The following TRIM5 variants were observed in gnomAD, a reference collection of about 807,000 sequenced individuals.
TRIM5 encodes tripartite motif-containing protein 5.
A neutral mutation model predicts 35.6 loss-of-function variants in TRIM5; 31 were observed. The ratio of observed to expected loss-of-function variants is 0.87; its 90% confidence interval spans 0.65 to 1.18. The LOEUF is 1.18. Among genes scored for constraint, TRIM5 ranks in the 50% most tolerant of loss-of-function variants. The pLI, the probability that TRIM5 is intolerant of heterozygous loss-of-function variation, is 0.00. For synonymous variants in TRIM5, 243 were observed against 215.6 expected, an observed-to-expected ratio of 1.13 and a Z score of -1.11; for missense variants, 609 against 591.6, an observed-to-expected ratio of 1.03 and a Z score of -0.31.
chr11:5,649,377 CTCG>C, the TRIM5 span, among the ~76,000 whole-genome samples: 2 of 152,144 alleles, frequency 1.3e-5, no homozygotes, highest in South Asian at 4.1e-4. Flanking sequence ...TTGGCCATTC[CTCG>C]TCTTGCCTGA....
the TRIM5 span, chr11:5,643,125 A>ATATATATATATAT: frequency 1.0e-6 from 1 of 974,258 alleles, no homozygotes; most frequent in South Asian, 3.1e-5. Flanking sequence ...ATATATATAT[A>ATATATATATATAT]TTTTTTTTTT....
At chr11:5,654,130 T>C in the TRIM5 span, among the ~76,000 whole-genome samples, 1 of 149,386 alleles carries the variant, frequency 6.7e-6, no homozygotes, top group Non-Finnish European at 1.5e-5. Flanking sequence ...AAAATCATGA[T>C]TTTGAATAAT....
At chr11:5,649,855 T>A in the TRIM5 span, among the ~76,000 whole-genome samples, 1 of 152,172 alleles carries the variant, frequency 6.6e-6, no homozygotes, top group African/African-American at 2.4e-5. Context: ...TTAGAGGATA[T>A]ATGCCCTCCT....
At chr11:5,629,245 C>G in the TRIM5 span, among the ~76,000 whole-genome samples, 1 of 152,064 alleles carries the variant, frequency 6.6e-6, no homozygotes, top group Non-Finnish European at 1.5e-5. Flanking sequence ...CCATTGCATT[C>G]CAGCCTGGGC....
chr11:5,636,872 C>T, the TRIM5 span, among the ~76,000 whole-genome samples: 6 of 152,138 alleles, frequency 3.9e-5, no homozygotes, highest in Non-Finnish European at 7.4e-5. Flanking sequence ...GTTGGCGGGG[C>T]GCGGTGGCTC....
At chr11:5,601,057 C>T in the TRIM5 span, among the ~76,000 whole-genome samples, 1 of 152,184 alleles carries the variant, frequency 6.6e-6, no homozygotes, top group Non-Finnish European at 1.5e-5. Flanking sequence ...GATATAAGGT[C>T]TCAACTGCCT....
intron 4 of TRIM5, among the ~76,000 whole-genome samples, chr11:5,671,804 A>C (rs1218029311): frequency 1.2e-5 from 1 of 82,404 alleles, no homozygotes; most frequent in African/African-American, 3.8e-5. Flanking sequence ...TCAAGTAGAA[A>C]AAAATAATTG....
At position 5,680,072 on chromosome 11, in the gene TRIM5, G is replaced by T; in HGVS notation, c.106C>A (p.Gln36Lys). The T allele has an allele frequency of 6.2e-7, 1 of 1,614,100 alleles. No homozygotes were observed. Among genetic ancestry groups the T allele is most frequent in the Non-Finnish European group, 8.5e-7 (1 of 1,180,016 alleles). ...TTGTGGTTTGCAGTGAGGCATGCTT[G>T]GCAGAAGCTGTGGCCGCAGTCCAGG... ...LSLDCGHSFC[Q>K]ACLTANHKKS... The change falls in exon 2 of 8, where the codon CAA becomes AAA. Residue 36 changes from glutamine (Q) to lysine (K), a missense_variant. Coordinates refer to ENST00000380034, the MANE Select transcript of TRIM5 (RefSeq NM_033034.3).
chr11:5,676,669 A>T (rs1852005838), intron 4 of TRIM5, among the ~76,000 whole-genome samples: 1 of 150,094 alleles, frequency 6.7e-6, no homozygotes, highest in Non-Finnish European at 1.5e-5. Context: ...AAAAGAACAA[A>T]GCTGGAGGCA....
At chr11:5,655,928 T>C in the TRIM5 span, among the ~76,000 whole-genome samples, 10,057 of 152,212 alleles carry the variant, frequency 0.066, 668 homozygotes, top group African/African-American at 0.17. Flanking sequence ...TAATAAATGG[T>C]GTTGGGAAAA....
At chr11:5,675,407 T>G (rs1019849659) in intron 4 of TRIM5, among the ~76,000 whole-genome samples, 4 of 152,054 alleles carry the variant, frequency 2.6e-5, no homozygotes, top group Non-Finnish European at 5.9e-5. Context: ...GACAAGGACC[T>G]GGGTCCAGGT....
downstream of TRIM5, among the ~76,000 whole-genome samples, chr11:5,660,175 C>T (rs1328890643): frequency 6.6e-6 from 1 of 152,120 alleles, no homozygotes; most frequent in Non-Finnish European, 1.5e-5. Flanking sequence ...CGGGGTTTCA[C>T]CATATTGGCC....
At chr11:5,629,829 TC>T in the TRIM5 span, among the ~76,000 whole-genome samples, 4 of 152,160 alleles carry the variant, frequency 2.6e-5, no homozygotes, top group African/African-American at 9.7e-5. Context: ...TGCCTTAGCC[TC>T]CCGAGTAGCT....
the TRIM5 span, among the ~76,000 whole-genome samples, chr11:5,615,934 T>C: frequency 8.3e-3 from 426 of 51,352 alleles, 6 homozygotes; most frequent in East Asian, 0.066. Flanking sequence ...TATCTTTTCA[T>C]TTTTTTTTTT....
the TRIM5 span, among the ~76,000 whole-genome samples, chr11:5,630,092 A>G: frequency 6.6e-6 from 1 of 152,182 alleles, no homozygotes; most frequent in Admixed American, 6.5e-5. Context: ...TCTTACATCA[A>G]CGGATTGATT....
At chr11:5,633,721 A>G in the TRIM5 span, 15 of 1,398,548 alleles carry the variant, frequency 1.1e-5, no homozygotes, top group Admixed American at 3.2e-4. Context: ...TTCTGGGATC[A>G]ACTTGATTTT....
At chr11:5,605,254 C>T in the TRIM5 span, 1 of 1,595,410 alleles carries the variant, frequency 6.3e-7, no homozygotes, top group Non-Finnish European at 8.6e-7. Context: ...GAAAGCAGTC[C>T]TGAGCCCAAC....
In TRIM5 at chr11:5,679,949, C is replaced by G; in HGVS notation, c.229G>C (p.Val77Leu). Residue 77 changes from valine to leucine, a missense_variant, in exon 2 of 8, where the codon GTG (valine) becomes CTG (leucine). Physicochemically the swap from Val to Leu is conservative, Grantham distance 32. Transcript: ENST00000380034. ...IRPNRHVANI[V>L]EKLREVKLSP... ...AACTTGACCTCCCTGAGCTTCTCCA[C>G]TATGTTGGCTACATGCCGATTAGGC... is the stretch of plus-strand genomic sequence containing the variant. 11 of 1,614,092 alleles carry G rather than the reference C, an allele frequency of 6.8e-6. No individual in the cohort carries two copies. Among genetic ancestry groups the G allele is most frequent in the Non-Finnish European group, 9.3e-6 (11 of 1,179,994 alleles).
At chr11:5,634,782 T>C in the TRIM5 span, 2 of 1,613,906 alleles carry the variant, frequency 1.2e-6, no homozygotes, top group Non-Finnish European at 1.7e-6. Context: ...GATGAGCTAG[T>C]TCAGCAGAAG....
Sources: allele counts gnomAD v4.1 joint callset (sites outside exome capture counted in the v4.1 genomes callset), GRCh38; gene constraint gnomAD v4.1.1; transcripts MANE v1.5; gene names NCBI Gene and HGNC (gene_info 2026-07-23, HGNC 2026-07-21).